KCNMA1: variants seen among roughly 807,000 people sequenced by gnomAD.
The protein encoded by KCNMA1 is Calcium-activated potassium channel subunit alpha-1.
In KCNMA1, 29 loss-of-function variants were observed where a neutral mutation model predicts 140.0. The observed-to-expected ratio is 0.21, with a 90% CI of 0.15 to 0.28. KCNMA1 has a LOEUF of 0.28. KCNMA1 is among the 10% of genes least tolerant of loss of function. The probability of loss-of-function intolerance (pLI) is 1.00; values close to 1 mark genes in which losing one functional copy is unlikely to be tolerated. For missense variants in KCNMA1, 880 were observed against 1,602.2 expected (o/e 0.55, Z 7.70); for synonymous variants, 612 against 611.9 (o/e 1.00, Z 0.00).
At chr10:77,554,128 T>C (rs1386890632) in intron 1 of KCNMA1, among the ~76,000 whole-genome samples, 1 of 152,092 alleles carries the variant, frequency 6.6e-6, no homozygotes, top group African/African-American at 2.4e-5. Flanking sequence ...AATCTCTTGG[T>C]AACAAGCCAA....
chr10:77,392,005 GA>G (rs556684328), intron 2 of KCNMA1, among the ~76,000 whole-genome samples: 1 of 151,070 alleles, frequency 6.6e-6, no homozygotes, highest in Non-Finnish European at 1.5e-5. Flanking sequence ...ACCTGGGTAA[GA>G]AAAGTCTCCC....
intron 9 of KCNMA1, among the ~76,000 whole-genome samples, chr10:77,103,034 C>T (rs377647633): frequency 5.9e-5 from 9 of 152,182 alleles, no homozygotes; most frequent in Admixed American, 2.0e-4. Context: ...GGAGAGGGGC[C>T]ACAGGAATGG....
intron 6 of KCNMA1, among the ~76,000 whole-genome samples, chr10:77,115,626 T>G (rs919893500): frequency 1.3e-5 from 2 of 152,172 alleles, no homozygotes; most frequent in Non-Finnish European, 2.9e-5. Flanking sequence ...TTAAACCTAT[T>G]TAGAGTCTGA....
At chr10:77,028,517 C>T (rs548736623) in intron 15 of KCNMA1, among the ~76,000 whole-genome samples, 3 of 152,140 alleles carry the variant, frequency 2.0e-5, no homozygotes, top group African/African-American at 4.8e-5. Flanking sequence ...TCCCCACTCT[C>T]GATCCCTTCT....
intron 25 of KCNMA1, among the ~76,000 whole-genome samples, chr10:76,892,227 G>C (rs1394859071): frequency 6.6e-6 from 1 of 152,150 alleles, no homozygotes; most frequent in African/African-American, 2.4e-5. Context: ...GTTGATAACT[G>C]TCTAACTCAG....
At chr10:77,413,205 GA>G (rs750699884) in intron 1 of KCNMA1, among the ~76,000 whole-genome samples, 47 of 152,272 alleles carry the variant, frequency 3.1e-4, no homozygotes, top group Non-Finnish European at 5.6e-4. Context: ...CAATAACTAT[GA>G]CATCCTGTGG....
intron 1 of KCNMA1, among the ~76,000 whole-genome samples, chr10:77,474,443 T>C (rs1404210754): frequency 6.6e-6 from 1 of 152,148 alleles, no homozygotes; most frequent in African/African-American, 2.4e-5. Context: ...AAGGCGGCCA[T>C]CTACAAGAGC....
chr10:77,328,597 G>A (rs2085104846), intron 2 of KCNMA1, among the ~76,000 whole-genome samples: 1 of 152,208 alleles, frequency 6.6e-6, no homozygotes, highest in South Asian at 2.1e-4. Context: ...CCGTGGTCCT[G>A]AAAGAGACAA....
intron 2 of KCNMA1, among the ~76,000 whole-genome samples, chr10:77,399,348 A>G (rs1308926449): frequency 1.3e-5 from 2 of 152,208 alleles, no homozygotes; most frequent in African/African-American, 4.8e-5. Flanking sequence ...CAAATCCCAC[A>G]GTGGAATTTA....
chr10:77,360,398 CAG>C (rs34847548), intron 2 of KCNMA1, among the ~76,000 whole-genome samples: 27,280 of 152,072 alleles, frequency 0.18, 2,885 homozygotes, highest in Admixed American at 0.25. Flanking sequence ...GCCCAGGGGC[CAG>C]AGAGCTGCTG....
intron 3 of KCNMA1, among the ~76,000 whole-genome samples, chr10:77,189,071 T>A (rs1014187996): frequency 6.6e-6 from 1 of 152,134 alleles, no homozygotes; most frequent in Admixed American, 6.6e-5. Flanking sequence ...CTTGTTAAAA[T>A]CTTGCTGGGC....
At position 77,094,804 on chromosome 10, in the gene KCNMA1, G is replaced by A. The variant is rs769706476; in HGVS notation, c.1224-4294C>T. On this transcript the variant is annotated intron_variant, in intron 9 of 27. Coordinates refer to ENST00000286628, the MANE Select transcript of KCNMA1 (RefSeq NM_001161352.2). ...CAGCCTTGAACTCCCAGGCTGAAGC[G>A]ATCCTCCTGTCTTAACTTCCTGGGT... is the stretch of plus-strand genomic sequence containing the variant. 7.2e-5 allele frequency among the ~76,000 whole-genome samples: 11 copies of A among 152,056 alleles called. 1 individual carries two copies. The highest frequency in any genetic ancestry group is 2.0e-4 in the Admixed American group (3 of 15,272).
At chr10:77,212,223 T>G (rs2046310204) in intron 3 of KCNMA1, among the ~76,000 whole-genome samples, 1 of 151,874 alleles carries the variant, frequency 6.6e-6, no homozygotes, top group Admixed American at 6.6e-5. Context: ...GTGGACTAAA[T>G]AAAGAAAATG....
chr10:77,251,221 A>G lies in KCNMA1; in HGVS notation c.576T>C (p.Leu192=). The G allele has an allele frequency of 6.2e-7, 1 of 1,612,216 alleles. No individual in the cohort carries two copies. Among genetic ancestry groups the G allele is most frequent in the South Asian group, 1.1e-5 (1 of 91,042 alleles). The change falls in exon 3 of 28, where the codon CTT becomes CTC. Residue 192 remains leucine, a synonymous_variant. Transcript: ENST00000286628. ...VLVFALSIGA[L]VIYFIDSSNP... ...TTGATGAATCTATGAAGTATATTAC[A>G]AGTGCACCGATGCTGAGAGCAAAGA...
chr10:76,885,229 A>AT lies in KCNMA1; in HGVS notation c.*2036_*2037insA, dbSNP rs2036336728. On this transcript the variant is annotated 3_prime_UTR_variant, in exon 28 of 28. Coordinates refer to ENST00000286628, the MANE Select transcript of KCNMA1 (RefSeq NM_001161352.2). Reference sequence around the variant, plus strand: ...GTTATATATATAGTTATATATATATAATTATATAGTTATATATATATAATT... The same window carrying AT: ...GTTATATATATAGTTATATATATATATATTATATAGTTATATATATATAATT... 1.9e-6 allele frequency: 1 copy of AT among 525,720 alleles called. No individual in the cohort carries two copies. The highest frequency in any genetic ancestry group is 2.4e-6 in the Non-Finnish European group (1 of 409,484). The allele number at this position is 525,720 out of a possible 1,614,324, so 32.6% of individuals were successfully genotyped here.
At chr10:77,610,618 G>C in intron 1 of KCNMA1, among the ~76,000 whole-genome samples, 1 of 152,210 alleles carries the variant, frequency 6.6e-6, no homozygotes. Context: ...GGCTAAGTGA[G>C]AGAAGCCAGA....
intron 2 of KCNMA1, chr10:77,376,491 G>T (rs958850746): frequency 3.3e-5 from 5 of 152,072 alleles, no homozygotes; most frequent in African/African-American, 1.2e-4. Context: ...TCCCCTCAGG[G>T]TGTTATCCAA....
intron 1 of KCNMA1, among the ~76,000 whole-genome samples, chr10:77,492,434 T>C (rs1279901450): frequency 6.6e-6 from 1 of 152,222 alleles, no homozygotes; most frequent in African/African-American, 2.4e-5. Flanking sequence ...GTATTTCTTA[T>C]TGAAGCCACT....
At chr10:77,615,408 C>T (rs1029665401) in intron 1 of KCNMA1, among the ~76,000 whole-genome samples, 1 of 152,168 alleles carries the variant, frequency 6.6e-6, no homozygotes. Flanking sequence ...TTCCTTTTGA[C>T]ATCATCTCCA....
Sources: allele counts gnomAD v4.1 joint callset (sites outside exome capture counted in the v4.1 genomes callset), GRCh38; gene constraint gnomAD v4.1.1; transcripts MANE v1.5; gene names NCBI Gene and HGNC (gene_info 2026-07-23, HGNC 2026-07-21).